NEXN: variants seen among roughly 807,000 people sequenced by gnomAD.
The protein encoded by NEXN is nexilin.
In NEXN, 65 loss-of-function variants were observed where a neutral mutation model predicts 92.6. That is an observed-to-expected ratio of 0.70 (90% CI 0.57 to 0.86). The LOEUF is 0.86. NEXN is among the 40% of genes least tolerant of loss of function. The pLI is 0.00. For synonymous variants in NEXN, 254 were observed against 242.5 expected (o/e 1.05, Z -0.44); for missense variants, 778 against 771.1 (o/e 1.01, Z -0.11).
At position 77,916,333 on chromosome 1, in the gene NEXN, T is replaced by C. The variant is rs115693312; in HGVS notation, c.27+200T>C. 0.015 allele frequency among the ~76,000 whole-genome samples: 2,355 copies of C among 152,260 alleles called. 50 individuals are homozygous for C. The highest frequency in any genetic ancestry group is 0.053 in the African/African-American group (2,216 of 41,558). ...TATTTTCATTTGGGTTCTAGGAAAT[T>C]CTACAAAGCATGAGTAGTAAATTTG... On this transcript the variant is annotated intron_variant, in intron 2 of 12. Transcript: ENST00000334785.
intron 11 of NEXN, among the ~76,000 whole-genome samples, chr1:77,937,917 T>G (rs1245788699): frequency 1.3e-5 from 2 of 152,142 alleles, no homozygotes; most frequent in Non-Finnish European, 2.9e-5. Context: ...TAAGAGTATG[T>G]GTTACTGTTT....
intron 2 of NEXN, 43 bp from the exon 3 acceptor site, chr1:77,917,519 CCTAT>C (rs753831137): frequency 2.4e-5 from 32 of 1,353,092 alleles, no homozygotes; most frequent in East Asian, 2.3e-5. Context: ...CTAATTTCTT[CCTAT>C]CTTTTTCGTT....
chr1:77,894,627 G>C (rs1347315477), intron 1 of NEXN, among the ~76,000 whole-genome samples: 1 of 151,934 alleles, frequency 6.6e-6, no homozygotes, highest in Non-Finnish European at 1.5e-5. Flanking sequence ...TTTTTGTAGA[G>C]ATGGGGTTTT....
intron 1 of NEXN, among the ~76,000 whole-genome samples, chr1:77,899,424 C>T (rs1040602706): frequency 4.0e-5 from 6 of 151,848 alleles, no homozygotes; most frequent in East Asian, 1.9e-4. Context: ...AACCAAACAC[C>T]GCATGTTCTC....
chr1:77,943,191 G>C lies in NEXN; in HGVS notation c.*362G>C, dbSNP rs796447682. 13 of 262,610 alleles carry C rather than the reference G, an allele frequency of 5.0e-5. No individual in the cohort carries two copies. Among genetic ancestry groups the C allele is most frequent in the African/African-American group, 2.9e-4 (13 of 44,424 alleles). The allele number at this position is 262,610 out of a possible 1,614,324, so 16.3% of individuals were successfully genotyped here. A position where few individuals can be genotyped will look rare whatever the true frequency, so the allele number is the denominator to read the frequency against. ...TCTATCAGAACCTATTATAAAGACT[G>C]TATTTCCCATAGACGTTTACAGCAA... is the stretch of plus-strand genomic sequence containing the variant. On this transcript the variant is annotated 3_prime_UTR_variant, in exon 13 of 13. Transcript: ENST00000334785.
At position 77,942,517 on chromosome 1, in the gene NEXN, AG is replaced by A. The variant is rs749054440; in HGVS notation, c.1717del (p.Asp573MetfsTer22). On this transcript the variant is annotated frameshift_variant, in exon 13 of 13. Transcript: ENST00000334785. LOFTEE classifies it high-confidence loss of function. Reference protein sequence around the residue: ...GSIMNGSTAEDEEQTRSGAPW... With the variant: ...GSIMNGSTAEXEEQTRSGAPW... ...GCATCATGAATGGCTCCACTGCTGA[AG>A]ATGAAGAGCAAACCAGATCAGGAGC... The A allele has an allele frequency of 2.5e-6, 4 of 1,613,958 alleles. 1 individual carries two copies. The South Asian group carries it at 4.4e-5, about 18-fold the overall frequency.
intron 11 of NEXN, among the ~76,000 whole-genome samples, chr1:77,937,780 T>C (rs1650897427): frequency 6.6e-6 from 1 of 152,234 alleles, no homozygotes; most frequent in African/African-American, 2.4e-5. Context: ...GTAACTAAAC[T>C]TACAGTCCCT....
At chr1:77,931,347 A>C (rs1650284259) in intron 9 of NEXN, among the ~76,000 whole-genome samples, 1 of 135,672 alleles carries the variant, frequency 7.4e-6, no homozygotes, top group African/African-American at 2.8e-5. Flanking sequence ...TGGGAGGCGG[A>C]GCTTGCAGTG....
At chr1:77,939,025 A>G (rs2102166996) in intron 11 of NEXN, among the ~76,000 whole-genome samples, 1 of 152,310 alleles carries the variant, frequency 6.6e-6, no homozygotes, top group African/African-American at 2.4e-5. Context: ...ATGTTTATGC[A>G]AGAATTCTGG....
intron 10 of NEXN, among the ~76,000 whole-genome samples, chr1:77,934,041 G>C (rs1481632517): frequency 1.7e-4 from 22 of 132,684 alleles, no homozygotes; most frequent in Non-Finnish European, 9.5e-5. Context: ...ATGGAGTCTT[G>C]CTCTGTTGCC....
intron 2 of NEXN, among the ~76,000 whole-genome samples, chr1:77,916,929 G>A (rs938793557): frequency 1.3e-5 from 2 of 152,090 alleles, no homozygotes; most frequent in Non-Finnish European, 2.9e-5. Context: ...GAATGATATA[G>A]CCTTCTTACA....
intron 9 of NEXN, among the ~76,000 whole-genome samples, chr1:77,932,362 G>T (rs1413985727): frequency 6.6e-6 from 1 of 152,096 alleles, no homozygotes; most frequent in East Asian, 1.9e-4. Context: ...TACTTCATAG[G>T]GTCATAGGAT....
chr1:77,941,991 G>A, intron 11 of NEXN, 32 bp from the exon 12 acceptor site: 11 of 1,602,038 alleles, frequency 6.9e-6, no homozygotes, highest in Non-Finnish European at 9.4e-6. Context: ...TAGAAGGCAA[G>A]CAATTGTTAA....
chr1:77,920,198 G>A (rs1649313398), intron 5 of NEXN, among the ~76,000 whole-genome samples: 1 of 152,022 alleles, frequency 6.6e-6, no homozygotes, highest in South Asian at 2.1e-4. Flanking sequence ...ACCCGGCCTA[G>A]TAATTTTATC....
At chr1:77,932,135 T>A (rs1367612340) in intron 9 of NEXN, 1 of 152,076 alleles carries the variant, frequency 6.6e-6, no homozygotes, top group African/African-American at 2.4e-5. Context: ...ACCATGTTAG[T>A]CAGGCTGGTC....
At chr1:77,923,040 C>G (rs1649562046) in intron 5 of NEXN, among the ~76,000 whole-genome samples, 1 of 120,598 alleles carries the variant, frequency 8.3e-6, no homozygotes, top group Non-Finnish European at 1.6e-5. Context: ...CAGGGTCTTG[C>G]TCTGTCTCCC....
At chr1:77,898,130 T>G (rs997417534) in intron 1 of NEXN, among the ~76,000 whole-genome samples, 2 of 152,300 alleles carry the variant, frequency 1.3e-5, no homozygotes, top group Non-Finnish European at 1.5e-5. Flanking sequence ...AAGCTACCAA[T>G]GACTTTCTTC....
intron 5 of NEXN, among the ~76,000 whole-genome samples, chr1:77,918,809 C>A (rs957876913): frequency 1.3e-5 from 2 of 152,050 alleles, no homozygotes; most frequent in African/African-American, 4.8e-5. Flanking sequence ...TACAATCTTA[C>A]CGCTCTATCC....
chr1:77,900,028 T>G (rs949938797), intron 1 of NEXN, among the ~76,000 whole-genome samples: 1 of 152,206 alleles, frequency 6.6e-6, no homozygotes, highest in African/African-American at 2.4e-5. Context: ...CATGCTCGTT[T>G]GCTGGCTCTC....
Sources: gnomAD v4.1 joint callset for allele counts (sites outside exome capture counted in the v4.1 genomes callset) on GRCh38, gnomAD v4.1.1 for gene constraint, MANE v1.5 for transcripts, NCBI Gene and HGNC (gene_info 2026-07-23, HGNC 2026-07-21) for gene names.